Variants in SLC35F5 observed in about 807,000 individuals in gnomAD.
SLC35F5 encodes HCV NS5A-transactivated protein 3.
In SLC35F5, 54 loss-of-function variants were observed where a neutral mutation model predicts 68.6. The observed-to-expected ratio is 0.79, with a 90% confidence interval of 0.63 to 0.99. The LOEUF (loss-of-function observed/expected upper bound fraction) is 0.99, where lower values mean the gene tolerates loss of function less well. Among genes scored for constraint, SLC35F5 ranks in the 50% least tolerant of loss-of-function variants. The pLI is 0.00. For missense variants in SLC35F5, 567 were observed against 626.9 expected, an observed-to-expected ratio of 0.90 and a Z score of 1.02; for synonymous variants, 211 against 205.2, an observed-to-expected ratio of 1.03 and a Z score of -0.24.
intron 15 of SLC35F5, among the ~76,000 whole-genome samples, 174 bp from the exon 16 acceptor site, chr2:113,715,369 T>TTC (rs1687139894): frequency 6.6e-6 from 1 of 152,208 alleles, no homozygotes. Flanking sequence ...TGAATGTGAC[T>TTC]TCTATAGCAA....
intron 7 of SLC35F5, among the ~76,000 whole-genome samples, chr2:113,737,701 C>T (rs937810540): frequency 6.6e-6 from 1 of 152,110 alleles, no homozygotes; most frequent in Non-Finnish European, 1.5e-5. Flanking sequence ...ATTCAAAGGT[C>T]CCAAGAATCC....
At chr2:113,720,337 A>G (rs1687382013) in intron 13 of SLC35F5, among the ~76,000 whole-genome samples, 1 of 151,938 alleles carries the variant, frequency 6.6e-6, no homozygotes. Context: ...AAAAAAAAAA[A>G]AAAAAGGGCA....
At chr2:113,723,426 A>G (rs573016647) in intron 12 of SLC35F5, among the ~76,000 whole-genome samples, 1 of 152,234 alleles carries the variant, frequency 6.6e-6, no homozygotes, top group Admixed American at 6.5e-5. Context: ...ATTTTATGCT[A>G]TTTTCAAGAG....
At position 113,709,754 on chromosome 2, in the gene SLC35F5, C is replaced by A. The variant is rs1198256187; in HGVS notation, c.*5464G>T. On this transcript the variant is annotated 3_prime_UTR_variant, in exon 16 of 16. Transcript: ENST00000245680. ...AAAGGCAAATTACCAGGCCCACCAT[C>A]CCCACCGCCAGACCTACTGAATCAG... 6.6e-6 allele frequency among the ~76,000 whole-genome samples: 1 copy of A among 152,160 alleles called. No individual in the cohort carries two copies. Among genetic ancestry groups the A allele is most frequent in the Non-Finnish European group, 1.5e-5 (1 of 68,024 alleles).
At chr2:113,715,322 A>G (rs1041126479) in intron 15 of SLC35F5, 127 bp from the exon 16 acceptor site, 4 of 152,238 alleles carry the variant, frequency 2.6e-5, no homozygotes, top group African/African-American at 9.6e-5. Context: ...TACATACTTA[A>G]TAACTGGATA....
chr2:113,729,613 A>C (rs1687806251), intron 10 of SLC35F5, 108 bp from the exon 11 acceptor site: 1 of 657,250 alleles, frequency 1.5e-6, no homozygotes, highest in Non-Finnish European at 2.7e-6. Context: ...AAAAGTGAAA[A>C]GATATATAAT....
chr2:113,755,806 T>C (rs1676960188), intron 1 of SLC35F5: 1 of 1,513,722 alleles, frequency 6.6e-7, no homozygotes, highest in South Asian at 1.2e-5. Flanking sequence ...AACAGTTAAC[T>C]ACCAGAAAAT....
At chr2:113,721,503 C>T (rs1373376944) in intron 13 of SLC35F5, 1 of 152,786 alleles carries the variant, frequency 6.5e-6, no homozygotes, top group Non-Finnish European at 1.5e-5. Context: ...AATGACTAAT[C>T]ATTTAATACA....
chr2:113,703,040 G>C (rs560867492), downstream of SLC35F5, among the ~76,000 whole-genome samples: 1 of 152,242 alleles, frequency 6.6e-6, no homozygotes, highest in South Asian at 2.1e-4. Flanking sequence ...AGCCCTGGTA[G>C]TGGAGGTTGC....
At position 113,708,434 on chromosome 2, in the gene SLC35F5, G is replaced by A. The variant is rs1686864609; in HGVS notation, c.*6784C>T. ...ATAAAATACTGGATAGCTGGGCGCA[G>A]TGGCTCACACCCGTAATCCCAGCAC... On this transcript the variant is annotated 3_prime_UTR_variant, in exon 16 of 16. Coordinates refer to ENST00000245680, the MANE Select transcript of SLC35F5 (RefSeq NM_025181.5). Among the ~76,000 whole-genome samples, 1 of 152,200 alleles carries A rather than the reference G, an allele frequency of 6.6e-6. No individual in the cohort carries two copies. The highest frequency in any genetic ancestry group is 6.5e-5 in the Admixed American group (1 of 15,282).
chr2:113,703,545 C>T (rs1289183835), downstream of SLC35F5, among the ~76,000 whole-genome samples: 3 of 152,186 alleles, frequency 2.0e-5, no homozygotes, highest in Non-Finnish European at 4.4e-5. Flanking sequence ...TCTTTTCTCA[C>T]TCCTCTCCAG....
chr2:113,748,320 C>G (rs1043559582), intron 4 of SLC35F5, among the ~76,000 whole-genome samples: 6 of 151,994 alleles, frequency 3.9e-5, no homozygotes, highest in African/African-American at 1.5e-4. Context: ...AGTGCACCAC[C>G]ACGACTGGCT....
chr2:113,742,998 T>A, intron 6 of SLC35F5, 119 bp from the exon 7 acceptor site: 1 of 971,162 alleles, frequency 1.0e-6, no homozygotes. Context: ...ACAGTCAAAG[T>A]AAACCAAAAA....
Position 113,712,331 on chromosome 2 carries a change from T to G in SLC35F5, c.*2887A>C, listed in dbSNP as rs1443740820. Among the ~76,000 whole-genome samples the G allele has an allele frequency of 6.6e-6, 1 of 152,250 alleles. No homozygotes were observed. ...CATTTCAAAAGTATTCACTTTTTTT[T>G]TTTTTGAGACGGAGTCTCGCTGTCG... On this transcript the variant is annotated 3_prime_UTR_variant, in exon 16 of 16. Transcript: ENST00000245680.
Position 113,747,507 on chromosome 2 carries a change from C to G in SLC35F5, c.418-1168G>C, listed in dbSNP as rs1022258537. On this transcript the variant is annotated intron_variant, in intron 4 of 15. Transcript: ENST00000245680. ...AGCCCATGCTGTAAAAGAACCCTAA[C>G]AAATCAGTAATAAAAAGGGAGTCAA... 5.8e-4 allele frequency among the ~76,000 whole-genome samples: 88 copies of G among 152,098 alleles called. 1 individual carries two copies. The highest frequency in any genetic ancestry group is 2.0e-3 in the African/African-American group (84 of 41,416).
chr2:113,747,778 A>G (rs1451520309), intron 4 of SLC35F5, among the ~76,000 whole-genome samples: 1 of 152,210 alleles, frequency 6.6e-6, no homozygotes, highest in Admixed American at 6.5e-5. Context: ...ATTTAGCAAT[A>G]AGAATTACAA....
intron 3 of SLC35F5, among the ~76,000 whole-genome samples, chr2:113,751,856 G>A (rs1325561518): frequency 6.6e-6 from 1 of 152,030 alleles, no homozygotes; most frequent in Non-Finnish European, 1.5e-5. Context: ...CCAAATCCAG[G>A]TATGGAGCAG....
chr2:113,704,696 C>T (rs113157678), downstream of SLC35F5, among the ~76,000 whole-genome samples: 228 of 151,764 alleles, frequency 1.5e-3, no homozygotes, highest in African/African-American at 4.1e-3. Context: ...CCGGCCGCTC[C>T]GAGTGCGGGG....
chr2:113,740,905 G>A (rs974174368), intron 7 of SLC35F5, among the ~76,000 whole-genome samples: 6 of 152,160 alleles, frequency 3.9e-5, no homozygotes, highest in African/African-American at 1.2e-4. Context: ...GACTACGGGC[G>A]TGAGCCACCC....
Sources: allele counts gnomAD v4.1 joint callset (sites outside exome capture counted in the v4.1 genomes callset), GRCh38; gene constraint gnomAD v4.1.1; transcripts MANE v1.5; gene names NCBI Gene and HGNC (gene_info 2026-07-23, HGNC 2026-07-21).